Variants in ITPKB observed in about 807,000 individuals in gnomAD.
ITPKB encodes the protein inositol-trisphosphate 3-kinase B.
A neutral mutation model predicts 69.4 loss-of-function variants in ITPKB; 13 were observed. That is an observed-to-expected ratio of 0.19 (90% CI 0.12 to 0.30). The LOEUF (loss-of-function observed/expected upper bound fraction) is 0.30. Among genes scored for constraint, ITPKB ranks in the 10% least tolerant of loss-of-function variants. The probability of loss-of-function intolerance (pLI) is 1.00; values close to 1 mark genes in which losing one functional copy is unlikely to be tolerated. For synonymous variants in ITPKB, 584 were observed against 513.7 expected, an observed-to-expected ratio of 1.14 and a Z score of -1.85; for missense variants, 1,240 against 1,250.5, an observed-to-expected ratio of 0.99 and a Z score of 0.13.
chr1:226,641,965 T>C lies in ITPKB; in HGVS notation c.2407A>G (p.Ile803Val), dbSNP rs1433624793. The change falls in exon 5 of 8, where the codon ATC (isoleucine) becomes GTC (valine). Residue 803 changes from isoleucine to valine, a missense_variant. Transcript: ENST00000429204. This position sits in a 1 kb window ranked among gnomAD's most constrained non-coding sequence, Gnocchi z 4.6. ...AACCCCAGGGTGGCCGTGGAGCTGA[T>C]GGTCTCCCGCCACTGCATGTACCGT... ...KPRYMQWRET[I>V]SSTATLGFRI... is the part of the protein sequence containing the mutation. 1 of 1,614,116 alleles carries C rather than the reference T, an allele frequency of 6.2e-7. No homozygotes were observed. The highest frequency in any genetic ancestry group is 8.5e-7 in the Non-Finnish European group (1 of 1,180,016).
chr1:226,639,699 G>C (rs755277459), intron 5 of ITPKB, 41 bp from the exon 6 acceptor site: 1 of 1,347,480 alleles, frequency 7.4e-7, no homozygotes, highest in Non-Finnish European at 1.1e-6. Flanking sequence ...GGTCAGCAGG[G>C]ACCCTCGGGC....
At position 226,637,211 on chromosome 1, in the gene ITPKB, G is replaced by GCTGC. The variant is rs1454496253; in HGVS notation, c.2625+464_2625+467dup. 1.3e-5 allele frequency among the ~76,000 whole-genome samples: 2 copies of GCTGC among 152,190 alleles called. No individual in the cohort carries two copies. Among genetic ancestry groups the GCTGC allele is most frequent in the African/African-American group, 4.8e-5 (2 of 41,454 alleles). ...TGTCTCAGTTCCCCACCTGCTGCCT[G>GCTGC]CTGCCCCTGCCAACCAACGTATGCA... On this transcript the variant is annotated intron_variant, in intron 7 of 7. Transcript: ENST00000429204. The surrounding 1 kb of genome is among the most constrained non-coding windows in gnomAD (Gnocchi z 4.3).
At position 226,738,165 on chromosome 1, in the gene ITPKB, G is replaced by C. The variant is rs1351293910; in HGVS notation, c.-205-502C>G. 6.6e-6 allele frequency among the ~76,000 whole-genome samples: 1 copy of C among 152,116 alleles called. No individual in the cohort carries two copies. Among genetic ancestry groups the C allele is most frequent in the East Asian group, 1.9e-4 (1 of 5,166 alleles). On this transcript the variant is annotated intron_variant, in intron 1 of 7. Transcript: ENST00000429204. The surrounding 1 kb of genome is among the most constrained non-coding windows in gnomAD (Gnocchi z 4.2). ...CGGGGCATCAGAGACCGACCGGCTCGGAGGGAACCTAAGCGGGACCTGCCT... is the reference window on the plus strand; with the variant it reads ...CGGGGCATCAGAGACCGACCGGCTCCGAGGGAACCTAAGCGGGACCTGCCT...
At chr1:226,717,757 C>A (rs530689031) in intron 2 of ITPKB, among the ~76,000 whole-genome samples, 1 of 152,222 alleles carries the variant, frequency 6.6e-6, no homozygotes, top group Admixed American at 6.5e-5. Flanking sequence ...CCGGGCTGCC[C>A]GCCAAGGGGC....
intron 2 of ITPKB, among the ~76,000 whole-genome samples, chr1:226,666,958 C>T (rs1325726233): frequency 6.6e-6 from 1 of 152,180 alleles, no homozygotes. Context: ...TTGTGTTTGC[C>T]AACACACACC....
intron 2 of ITPKB, among the ~76,000 whole-genome samples, chr1:226,709,304 A>G (rs1656884568): frequency 6.6e-6 from 1 of 152,200 alleles, no homozygotes; most frequent in Admixed American, 6.5e-5. Context: ...CAGGCTAGCA[A>G]CATCCAGAAA....
At chr1:226,656,320 C>T (rs1309776689) in intron 2 of ITPKB, among the ~76,000 whole-genome samples, 1 of 152,176 alleles carries the variant, frequency 6.6e-6, no homozygotes, top group African/African-American at 2.4e-5. Context: ...GGAGGGAGAT[C>T]AAACTCAGCA....
intron 7 of ITPKB, among the ~76,000 whole-genome samples, chr1:226,635,407 G>A (rs1023197532): frequency 1.3e-5 from 2 of 152,026 alleles, no homozygotes; most frequent in African/African-American, 4.8e-5. Context: ...TTTTATTTTT[G>A]TAGAGACAGG....
chr1:226,728,552 G>A (rs1657490772), intron 2 of ITPKB, among the ~76,000 whole-genome samples: 1 of 152,176 alleles, frequency 6.6e-6, no homozygotes, highest in African/African-American at 2.4e-5. Context: ...AACGTGTCGT[G>A]GTTGACCTTG....
At chr1:226,640,508 G>A (rs572766334) in intron 5 of ITPKB, among the ~76,000 whole-genome samples, 2 of 152,212 alleles carry the variant, frequency 1.3e-5, no homozygotes, top group Admixed American at 1.3e-4. Flanking sequence ...CCCAGGCAGA[G>A]CCTCTTAGCT....
rs1171002265 is a variant in ITPKB, at chr1:226,632,466, A to T, written c.*2205T>A. The T allele has an allele frequency of 6.6e-6, 1 of 152,182 alleles. No individual in the cohort carries two copies. Among genetic ancestry groups the T allele is most frequent in the Non-Finnish European group, 1.5e-5 (1 of 68,024 alleles). The allele number at this position is 152,182 out of a possible 1,614,324, so 9.4% of individuals were successfully genotyped here. A position where few individuals can be genotyped will look rare whatever the true frequency, so the allele number is the denominator to read the frequency against. On this transcript the variant is annotated 3_prime_UTR_variant, in exon 8 of 8. Transcript: ENST00000429204. ...GGGAAGCGAGTGGCAAAATGGCTTG[A>T]GAGACAGAGTAGGTGTAGAAGAGAA... is the stretch of plus-strand genomic sequence containing the variant.
intron 2 of ITPKB, among the ~76,000 whole-genome samples, chr1:226,724,386 C>T (rs1397423257): frequency 1.3e-5 from 2 of 152,182 alleles, no homozygotes; most frequent in Non-Finnish European, 2.9e-5. Context: ...CTCAGACACC[C>T]TTATTCACTC....
Position 226,687,365 on chromosome 1 carries a change from GA to G in ITPKB, c.1933-38595del, listed in dbSNP as rs1187576649. On this transcript the variant is annotated intron_variant, in intron 2 of 7. Transcript: ENST00000429204. ...AAAAATCTCACCCACTGTCCACAGT[GA>G]AACAACCAAAAGTGGGCCTTAAAGG... Among the ~76,000 whole-genome samples the G allele has an allele frequency of 2.0e-5, 3 of 152,284 alleles. No individual in the cohort carries two copies. The East Asian group carries it at 5.8e-4, about 29-fold the overall frequency.
At position 226,708,872 on chromosome 1, in the gene ITPKB, T is replaced by C. The variant is rs528240082; in HGVS notation, c.1932+26655A>G. Among the ~76,000 whole-genome samples, 16 of 152,366 alleles carry C rather than the reference T, an allele frequency of 1.1e-4. No homozygotes were observed. The East Asian group carries it at 2.5e-3, about 24-fold the overall frequency. On this transcript the variant is annotated intron_variant, in intron 2 of 7. Coordinates refer to ENST00000429204, the MANE Select transcript of ITPKB (RefSeq NM_002221.4). ...GTGAGGCAGCAAGCCTGAGCAGCTT[T>C]CTGATGCAGGCCTGGCAGGCCATGC...
intron 2 of ITPKB, among the ~76,000 whole-genome samples, chr1:226,728,744 A>G (rs931804796): frequency 7.2e-5 from 11 of 152,138 alleles, no homozygotes; most frequent in Admixed American, 3.3e-4. Context: ...GACATAATTG[A>G]ACGCTCACCA....
chr1:226,647,112 C>T (rs917433344), intron 4 of ITPKB, 55 bp downstream of exon 4: 13 of 1,536,520 alleles, frequency 8.5e-6, no homozygotes, highest in Middle Eastern at 1.7e-4. Flanking sequence ...CGCTGTGCAC[C>T]TGCCATGTGG....
chr1:226,645,552 G>A (rs1424531523), intron 4 of ITPKB, among the ~76,000 whole-genome samples: 1 of 152,216 alleles, frequency 6.6e-6, no homozygotes, highest in Non-Finnish European at 1.5e-5. Flanking sequence ...TCTTCACACA[G>A]GCCGTACTTT....
In ITPKB at chr1:226,735,825, G is replaced by T. The variant is rs149543375; in HGVS notation, c.1634C>A (p.Pro545Gln). 21 of 1,608,358 alleles carry T rather than the reference G, an allele frequency of 1.3e-5. No homozygotes were observed. In the South Asian group the frequency reaches 2.1e-4, roughly 16 times the overall value. Residue 545 changes from proline (P) to glutamine (Q), a missense_variant, in exon 2 of 8, where the codon CCG becomes CAG. By Grantham distance (76) the Pro-to-Gln change is moderately conservative. Transcript: ENST00000429204. ...GTCCGGATCTTGGGGTAGCAGCTCC[G>T]GACTTGGGAGGGCATCACTGTCCTG... The part of the protein sequence containing the change: ...QRQDSDALPS[P>Q]ELLPQDPDKP...
intron 2 of ITPKB, among the ~76,000 whole-genome samples, 179 bp from the exon 3 acceptor site, chr1:226,648,950 A>C (rs1312449885): frequency 6.6e-6 from 1 of 152,098 alleles, no homozygotes; most frequent in Non-Finnish European, 1.5e-5. Context: ...AGGTGGCTTT[A>C]CCCCATTTAA....
Sources: gnomAD v4.1 joint callset for allele counts (sites outside exome capture counted in the v4.1 genomes callset) on GRCh38, gnomAD v4.1.1 for gene constraint, Gnocchi (gnomAD v3.1) non-coding constraint, MANE v1.5 for transcripts, NCBI Gene and HGNC (gene_info 2026-07-23, HGNC 2026-07-21) for gene names.